CPS1: variants seen among roughly 807,000 people sequenced by gnomAD.
CPS1 encodes carbamoyl-phosphate synthase [ammonia], mitochondrial.
CPS1 carries 109 observed loss-of-function variants against 174.6 expected under a neutral mutation model. The observed-to-expected ratio is 0.62, with a 90% CI of 0.53 to 0.73. The LOEUF (loss-of-function observed/expected upper bound fraction) is 0.73. Among genes scored for constraint, CPS1 ranks in the 30% least tolerant of loss-of-function variants. The probability of loss-of-function intolerance (pLI) is 0.00; values close to 1 mark genes in which losing one functional copy is unlikely to be tolerated. For missense variants in CPS1, 1,689 were observed against 1,821.9 expected, an observed-to-expected ratio of 0.93 and a Z score of 1.33; for synonymous variants, 637 against 632.0, an observed-to-expected ratio of 1.01 and a Z score of -0.12.
Position 210,675,748 on chromosome 2 carries a change from A to G in CPS1, c.4182A>G (p.Thr1394=). ...TGCAGCTGTTTGCCACGGAAGCCACATCAGACTGGCTCAACGCCAACAATG... is the reference window on the plus strand; with the variant it reads ...TGCAGCTGTTTGCCACGGAAGCCACGTCAGACTGGCTCAACGCCAACAATG... ...EGFKLFATEA[T]SDWLNANNVP... Residue 1394 remains threonine (T), a synonymous_variant, in exon 36 of 38, where the codon ACA becomes ACG. Coordinates refer to ENST00000233072, the MANE Select transcript of CPS1 (RefSeq NM_001875.5). The G allele has an allele frequency of 6.3e-7, 1 of 1,599,654 alleles. No individual in the cohort carries two copies. Among genetic ancestry groups the G allele is most frequent in the East Asian group, 2.2e-5 (1 of 44,792 alleles).
chr2:210,593,150 T>C (rs1698368065), intron 11 of CPS1, among the ~76,000 whole-genome samples, 194 bp downstream of exon 11: 1 of 151,974 alleles, frequency 6.6e-6, no homozygotes, highest in African/African-American at 2.4e-5. Context: ...TTTTAAAATT[T>C]AAAGTGGGAA....
chr2:210,512,646 G>A (rs1695528542), intron 1 of CPS1, among the ~76,000 whole-genome samples: 1 of 148,734 alleles, frequency 6.7e-6, no homozygotes, highest in South Asian at 2.1e-4. Context: ...TTGCTATTCT[G>A]AAGAGTGCTG....
chr2:210,555,696 G>T (rs1412036765), upstream of CPS1: 3 of 455,218 alleles, frequency 6.6e-6, no homozygotes, highest in South Asian at 1.6e-5. Context: ...CTTTGCAAGG[G>T]TATCAAAGAA....
chr2:210,621,778 G>T (rs1167154557), intron 21 of CPS1, among the ~76,000 whole-genome samples: 1 of 152,014 alleles, frequency 6.6e-6, no homozygotes, highest in Non-Finnish European at 1.5e-5. Flanking sequence ...ACCAAATAAT[G>T]AATTTATAAC....
At chr2:210,634,738 CATT>C (rs1214717723) in intron 21 of CPS1, among the ~76,000 whole-genome samples, 1 of 152,188 alleles carries the variant, frequency 6.6e-6, no homozygotes, top group African/African-American at 2.4e-5. Context: ...CATCTTCCAT[CATT>C]AATACAGGCA....
At chr2:210,645,152 T>G (rs1700339832) in intron 25 of CPS1, among the ~76,000 whole-genome samples, 1 of 152,152 alleles carries the variant, frequency 6.6e-6, no homozygotes, top group Non-Finnish European at 1.5e-5. Flanking sequence ...ATTAACATTT[T>G]ACAAACATGT....
At chr2:210,593,373 A>C in intron 11 of CPS1, 1 of 1,084,266 alleles carries the variant, frequency 9.2e-7, no homozygotes. Context: ...AGGGAGAATA[A>C]ACAGCAGCAG....
intron 1 of CPS1, among the ~76,000 whole-genome samples, chr2:210,530,395 AT>A (rs1297738551): frequency 6.6e-6 from 1 of 152,024 alleles, no homozygotes; most frequent in Non-Finnish European, 1.5e-5. Context: ...ATTATTCACT[AT>A]TTTCTATCAA....
chr2:210,511,126 C>T (rs1301648232), intron 1 of CPS1, among the ~76,000 whole-genome samples: 2 of 152,100 alleles, frequency 1.3e-5, no homozygotes, highest in African/African-American at 4.8e-5. Flanking sequence ...GACTTGGAAC[C>T]AACCCAAATG....
chr2:210,552,550 C>T (rs1696758700), upstream of CPS1, among the ~76,000 whole-genome samples: 1 of 152,000 alleles, frequency 6.6e-6, no homozygotes, highest in African/African-American at 2.4e-5. Flanking sequence ...GTCTCTGTAC[C>T]TTCAAAGGAA....
At chr2:210,525,197 C>T (rs1399426693) in intron 1 of CPS1, among the ~76,000 whole-genome samples, 2 of 151,862 alleles carry the variant, frequency 1.3e-5, no homozygotes, top group Non-Finnish European at 2.9e-5. Flanking sequence ...CTGAGTTAGG[C>T]TTCAGCTTCT....
rs758177409 is a variant in CPS1, at chr2:210,677,130, T to C, written c.4398T>C (p.Asn1466=). Residue 1466 remains asparagine (N), a synonymous_variant, in exon 37 of 38, where the codon AAT becomes AAC. Transcript: ENST00000233072. ...AVDSGIPLLT[N]FQVTKLFAEA... Reference sequence around the variant, plus strand: ...ATAGTGGAATCCCTCTCCTCACTAATTTTCAGGTATAGTCTTTTCCTTGGA... The same window carrying C: ...ATAGTGGAATCCCTCTCCTCACTAACTTTCAGGTATAGTCTTTTCCTTGGA... 1 of 1,613,874 alleles carries C rather than the reference T, an allele frequency of 6.2e-7. No homozygotes were observed. The highest frequency in any genetic ancestry group is 1.1e-5 in the South Asian group (1 of 91,076).
chr2:210,610,397 G>A (rs1160971246), intron 19 of CPS1, among the ~76,000 whole-genome samples: 1 of 151,882 alleles, frequency 6.6e-6, no homozygotes, highest in Non-Finnish European at 1.5e-5. Context: ...CTAAACGCAA[G>A]ACACTGGGAG....
intron 1 of CPS1, among the ~76,000 whole-genome samples, chr2:210,512,835 TATACATATATGGAG>T (rs1337665551): frequency 1.9e-5 from 2 of 104,448 alleles, no homozygotes; most frequent in African/African-American, 7.9e-5. Context: ...TATATGGAGA[TATACATATATGGAG>T]ATATATATAT....
intron 21 of CPS1, among the ~76,000 whole-genome samples, chr2:210,635,013 G>A (rs1373976895): frequency 6.6e-6 from 1 of 152,012 alleles, no homozygotes; most frequent in Non-Finnish European, 1.5e-5. Flanking sequence ...GCGTGATCTC[G>A]GCTCACTGCA....
At chr2:210,510,873 AG>A (rs1240743408) in intron 1 of CPS1, among the ~76,000 whole-genome samples, 4 of 152,234 alleles carry the variant, frequency 2.6e-5, no homozygotes, top group Non-Finnish European at 5.9e-5. Context: ...TTAAGAAGTC[AG>A]GAAACAACAG....
intron 20 of CPS1, among the ~76,000 whole-genome samples, chr2:210,615,673 A>G (rs942799328): frequency 2.6e-5 from 4 of 151,940 alleles, no homozygotes; most frequent in Non-Finnish European, 5.9e-5. Context: ...CTCTTTTTTC[A>G]GTTAAATTTT....
intron 24 of CPS1, 48 bp downstream of exon 24, chr2:210,640,107 G>C (rs1261780037): frequency 8.7e-7 from 1 of 1,146,758 alleles, no homozygotes; most frequent in Non-Finnish European, 1.3e-6. Context: ...AATTTATATA[G>C]TTTTCTTCAT....
chr2:210,609,886 AC>A (rs1699050146), intron 19 of CPS1, among the ~76,000 whole-genome samples: 3 of 152,128 alleles, frequency 2.0e-5, no homozygotes, highest in Middle Eastern at 3.4e-3. Flanking sequence ...GAAATGCTTT[AC>A]TGGTCTATCA....
Sources: gnomAD v4.1 joint callset for allele counts (sites outside exome capture counted in the v4.1 genomes callset) on GRCh38, gnomAD v4.1.1 for gene constraint, MANE v1.5 for transcripts, NCBI Gene and HGNC (gene_info 2026-07-23, HGNC 2026-07-21) for gene names.